KCNQ5: variants seen among roughly 807,000 people sequenced by gnomAD.
KCNQ5 encodes the protein potassium voltage-gated channel subfamily KQT member 5.
A neutral mutation model predicts 98.2 loss-of-function variants in KCNQ5; 30 were observed. The observed-to-expected ratio is 0.31, with a 90% CI of 0.23 to 0.41. The LOEUF (loss-of-function observed/expected upper bound fraction) is 0.41. KCNQ5 is among the 10% of genes least tolerant of loss of function. The pLI is 1.00. For missense variants in KCNQ5, 835 were observed against 1,182.5 expected, an observed-to-expected ratio of 0.71 and a Z score of 4.31; for synonymous variants, 458 against 449.4, an observed-to-expected ratio of 1.02 and a Z score of -0.24.
At chr6:72,923,259 A>G (rs1456602212) in intron 1 of KCNQ5, among the ~76,000 whole-genome samples, 1 of 152,222 alleles carries the variant, frequency 6.6e-6, no homozygotes, top group Non-Finnish European at 1.5e-5. Context: ...TAGAAGTAGA[A>G]TTGCTAGATC....
At position 73,194,672 on chromosome 6, in the gene KCNQ5, G is replaced by C; in HGVS notation, c.2057G>C (p.Arg686Thr). 6.2e-7 allele frequency: 1 copy of C among 1,614,236 alleles called. No homozygotes were observed. Among genetic ancestry groups the C allele is most frequent in the Non-Finnish European group, 8.5e-7 (1 of 1,180,044 alleles). ...LSRSTSANIS[R>T]GLQFILTPNE... is the part of the protein sequence containing the mutation. ...AGATCAACTAGTGCCAACATCTCGA[G>C]AGGCCTGCAGTTCATTCTGACGCCA... Residue 686 changes from arginine to threonine, a missense_variant, in exon 14 of 14, where the codon AGA becomes ACA. This residue lies in a region of KCNQ5 where 416 missense variants were observed against 446.9 expected (regional missense o/e 0.93). Transcript: ENST00000370398.
intron 1 of KCNQ5, among the ~76,000 whole-genome samples, chr6:72,753,345 G>C (rs1172056715): frequency 2.0e-5 from 3 of 151,890 alleles, no homozygotes; most frequent in Admixed American, 6.6e-5. Context: ...AGGATAATTT[G>C]TTTATTCTTT....
intron 13 of KCNQ5, among the ~76,000 whole-genome samples, chr6:73,194,125 T>C (rs1255536269): frequency 2.0e-5 from 3 of 152,196 alleles, no homozygotes; most frequent in Admixed American, 6.5e-5. Flanking sequence ...CATGAGCCAC[T>C]GCACCCAGCC....
intron 3 of KCNQ5, among the ~76,000 whole-genome samples, chr6:73,066,415 C>T (rs1274647379): frequency 6.6e-6 from 1 of 152,092 alleles, no homozygotes; most frequent in African/African-American, 2.4e-5. Flanking sequence ...ACATAAGCTC[C>T]ATGAGGGCAG....
intron 1 of KCNQ5, among the ~76,000 whole-genome samples, chr6:72,623,274 C>T (rs2098916395): frequency 6.6e-6 from 1 of 152,186 alleles, no homozygotes; most frequent in East Asian, 1.9e-4. Context: ...GGGGAGGCAG[C>T]GGGGAACCTG....
intron 1 of KCNQ5, chr6:72,987,176 A>G (rs1768822352): frequency 1.5e-6 from 1 of 680,416 alleles, no homozygotes; most frequent in South Asian, 1.5e-5. Flanking sequence ...CCAAGAAGGT[A>G]GAGCAGCCAA....
intron 1 of KCNQ5, among the ~76,000 whole-genome samples, chr6:72,723,730 TG>T (rs1399912036): frequency 6.6e-6 from 1 of 152,140 alleles, no homozygotes; most frequent in African/African-American, 2.4e-5. Context: ...CATTGGATTT[TG>T]GAGCAATTTT....
At chr6:72,997,926 C>A (rs139102227) in intron 1 of KCNQ5, among the ~76,000 whole-genome samples, 1 of 151,842 alleles carries the variant, frequency 6.6e-6, no homozygotes, top group African/African-American at 2.4e-5. Flanking sequence ...TCCAAATCAC[C>A]GTTAAAGACA....
chr6:72,924,631 C>A (rs889136114), intron 1 of KCNQ5, among the ~76,000 whole-genome samples: 4 of 151,990 alleles, frequency 2.6e-5, no homozygotes, highest in Non-Finnish European at 4.4e-5. Context: ...CTTGCCTTCC[C>A]TTCCCAGAGC....
At position 72,734,718 on chromosome 6, in the gene KCNQ5, G is replaced by A. The variant is rs137940374; in HGVS notation, c.398+112131G>A. 2.4e-4 allele frequency among the ~76,000 whole-genome samples: 36 copies of A among 152,234 alleles called. 1 individual carries two copies. In the East Asian group the frequency reaches 6.6e-3, roughly 28 times the overall value. Reference sequence around the variant, plus strand: ...GAGCCCAGAAAAACTGGTGGATGATGTTGCAATTTATATATCACAAACTAC... The same window carrying A: ...GAGCCCAGAAAAACTGGTGGATGATATTGCAATTTATATATCACAAACTAC... On this transcript the variant is annotated intron_variant, in intron 1 of 13. Transcript: ENST00000370398.
chr6:73,131,598 TAA>T (rs10707320), intron 9 of KCNQ5, among the ~76,000 whole-genome samples: 4,200 of 148,358 alleles, frequency 0.028, 190 homozygotes, highest in African/African-American at 0.092. Context: ...TTTTACAATT[TAA>T]AAAAAAAAAA....
At chr6:72,793,731 G>A (rs780536154) in intron 1 of KCNQ5, among the ~76,000 whole-genome samples, 3 of 152,232 alleles carry the variant, frequency 2.0e-5, no homozygotes, top group Non-Finnish European at 2.9e-5. Flanking sequence ...GCGCACACAT[G>A]TGCCCTTCAA....
In KCNQ5 at chr6:72,945,412, C is replaced by T. The variant is rs1437525433; in HGVS notation, c.399-58496C>T. ...ATGCTATCCCTCCCCCCACCCCCCA[C>T]CCCACGACAGGCCCCGGTGTGTGAT... is the stretch of plus-strand genomic sequence containing the variant. On this transcript the variant is annotated intron_variant, in intron 1 of 13. Coordinates refer to ENST00000370398, the MANE Select transcript of KCNQ5 (RefSeq NM_019842.4). 1.8e-4 allele frequency among the ~76,000 whole-genome samples: 22 copies of T among 121,012 alleles called. No homozygotes were observed. The Admixed American group carries it at 2.0e-3, about 11-fold the overall frequency. 79.4% of individuals were successfully genotyped at this position (121,012 alleles called of 152,430 possible). A position where few individuals can be genotyped will look rare whatever the true frequency, so the allele number is the denominator to read the frequency against.
At chr6:72,629,226 A>G (rs147085578) in intron 1 of KCNQ5, among the ~76,000 whole-genome samples, 9 of 152,314 alleles carry the variant, frequency 5.9e-5, no homozygotes, top group African/African-American at 2.2e-4. Context: ...TTTACTACCT[A>G]CATATATATT....
At chr6:72,868,749 T>G (rs1056404199) in intron 1 of KCNQ5, among the ~76,000 whole-genome samples, 2 of 152,110 alleles carry the variant, frequency 1.3e-5, no homozygotes, top group Non-Finnish European at 2.9e-5. Context: ...TGAGCTCCCA[T>G]AACGAGATGG....
intron 2 of KCNQ5, among the ~76,000 whole-genome samples, chr6:73,016,277 C>T (rs1011993396): frequency 3.3e-5 from 5 of 151,988 alleles, no homozygotes; most frequent in Admixed American, 2.0e-4. Flanking sequence ...GATAGAGCTT[C>T]AAGGACATAA....
intron 10 of KCNQ5, among the ~76,000 whole-genome samples, chr6:73,153,517 C>T (rs1262340586): frequency 6.6e-6 from 1 of 151,978 alleles, no homozygotes; most frequent in African/African-American, 2.4e-5. Context: ...TGGATGAAAG[C>T]CAAAAAAGTC....
intron 1 of KCNQ5, among the ~76,000 whole-genome samples, chr6:72,837,164 C>T (rs1301306058): frequency 1.8e-4 from 28 of 152,184 alleles, no homozygotes; most frequent in Admixed American, 1.8e-3. Flanking sequence ...CGTCATTATT[C>T]ATTTGTTCAT....
chr6:73,118,393 TTC>T (rs1375956955), intron 7 of KCNQ5, among the ~76,000 whole-genome samples: 10 of 152,222 alleles, frequency 6.6e-5, no homozygotes, highest in Non-Finnish European at 1.3e-4. Context: ...GTCACAAATT[TTC>T]TGTTTATTCT....
Sources: allele counts gnomAD v4.1 joint callset (sites outside exome capture counted in the v4.1 genomes callset), GRCh38; gene constraint gnomAD v4.1.1; regional missense constraint gnomAD v4.1.1; transcripts MANE v1.5; gene names NCBI Gene and HGNC (gene_info 2026-07-23, HGNC 2026-07-21).